Variants in WWOX observed in about 807,000 individuals in gnomAD.
The protein encoded by WWOX is WW domain containing oxidoreductase.
A neutral mutation model predicts 46.2 loss-of-function variants in WWOX; 69 were observed. The ratio of observed to expected loss-of-function variants is 1.49; its 90% CI spans 1.23 to 1.82. The LOEUF is 1.82. Among genes scored for constraint, WWOX ranks in the 40% most tolerant of loss-of-function variants. The probability of loss-of-function intolerance (pLI) is 0.00; values close to 1 mark genes in which losing one functional copy is unlikely to be tolerated. For synonymous variants in WWOX, 359 were observed against 202.6 expected (o/e 1.77, Z -6.56); for missense variants, 919 against 542.6 (o/e 1.69, Z -6.89).
chr16:78,944,076 C>A (rs2045903429), intron 8 of WWOX, among the ~76,000 whole-genome samples: 1 of 152,104 alleles, frequency 6.6e-6, no homozygotes, highest in South Asian at 2.1e-4. Context: ...TCTGAGAATT[C>A]CTCCTGGGTT....
At chr16:79,075,635 C>A (rs2048641673) in intron 8 of WWOX, among the ~76,000 whole-genome samples, 2 of 152,092 alleles carry the variant, frequency 1.3e-5, no homozygotes, top group African/African-American at 4.8e-5. Flanking sequence ...TCACTGCACC[C>A]TCCGCCTTCT....
At chr16:79,166,356 T>C (rs9928582) in intron 8 of WWOX, among the ~76,000 whole-genome samples, 2,399 of 152,242 alleles carry the variant, frequency 0.016, 69 homozygotes, top group African/African-American at 0.055. Context: ...ACCACAAAGA[T>C]TGTGTTTTAA....
intron 8 of WWOX, among the ~76,000 whole-genome samples, chr16:79,201,103 G>A (rs553878358): frequency 6.6e-6 from 1 of 152,304 alleles, no homozygotes; most frequent in South Asian, 2.1e-4. Flanking sequence ...CTGAGGCTCA[G>A]TGGCTTGTCA....
intron 5 of WWOX, among the ~76,000 whole-genome samples, chr16:78,192,424 G>GGAGGTTGCAGTGAGCC (rs1380726049): frequency 6.7e-6 from 1 of 148,914 alleles, no homozygotes; most frequent in African/African-American, 2.5e-5. Flanking sequence ...CCCAGTAGGC[G>GGAGGTTGCAGTGAGCC]GAGGTTGCAG....
intron 8 of WWOX, among the ~76,000 whole-genome samples, chr16:78,513,726 G>T (rs2151489637): frequency 6.6e-6 from 1 of 152,290 alleles, no homozygotes; most frequent in Admixed American, 6.5e-5. Flanking sequence ...CAGAGCCTTT[G>T]TATGTAAATG....
intron 8 of WWOX, among the ~76,000 whole-genome samples, chr16:78,620,422 C>T (rs1467097754): frequency 2.0e-5 from 3 of 152,106 alleles, no homozygotes; most frequent in Admixed American, 6.5e-5. Flanking sequence ...TGGAAAAAAC[C>T]ATGGTGCTTG....
At chr16:78,669,176 C>CA (rs915455524) in intron 8 of WWOX, among the ~76,000 whole-genome samples, 1 of 152,136 alleles carries the variant, frequency 6.6e-6, no homozygotes, top group Non-Finnish European at 1.5e-5. Context: ...AACCGGAAGA[C>CA]AAAAAACTTC....
At chr16:78,675,952 C>A (rs115345964) in intron 8 of WWOX, among the ~76,000 whole-genome samples, 1 of 151,836 alleles carries the variant, frequency 6.6e-6, no homozygotes, top group Non-Finnish European at 1.5e-5. Context: ...CTTCTCTGTC[C>A]CACCACAAAC....
chr16:78,703,625 G>GT (rs145932400), intron 8 of WWOX, among the ~76,000 whole-genome samples: 2,522 of 150,184 alleles, frequency 0.017, 49 homozygotes, highest in African/African-American at 0.05. Context: ...TTTTGTTTTT[G>GT]TTTTTTTTTG....
intron 8 of WWOX, among the ~76,000 whole-genome samples, chr16:78,931,236 G>C (rs903810820): frequency 6.6e-6 from 1 of 152,194 alleles, no homozygotes; most frequent in Non-Finnish European, 1.5e-5. Flanking sequence ...TGGAGATGCT[G>C]TGTGGGGAGG....
At chr16:78,290,382 A>C (rs949403263) in intron 5 of WWOX, among the ~76,000 whole-genome samples, 2 of 144,558 alleles carry the variant, frequency 1.4e-5, no homozygotes, top group African/African-American at 5.1e-5. Context: ...TTCCTGGTGA[A>C]TGATGTATGA....
In WWOX at chr16:78,888,545, A is replaced by G. The variant is rs570160826; in HGVS notation, c.1057-323063A>G. Among the ~76,000 whole-genome samples the G allele has an allele frequency of 5.3e-5, 8 of 152,272 alleles. No homozygotes were observed. The South Asian group carries it at 1.5e-3, about 28-fold the overall frequency. On this transcript the variant is annotated intron_variant, in intron 8 of 8. Coordinates refer to ENST00000566780, the MANE Select transcript of WWOX (RefSeq NM_016373.4). ...GATCCCAGCTTCCCTGTCTTCCAGA[A>G]CTCAAAGACGGCTTTTGTTTGTTAG... is the stretch of plus-strand genomic sequence containing the variant.
At chr16:78,422,709 A>G (rs2082966961) in intron 6 of WWOX, among the ~76,000 whole-genome samples, 1 of 122,456 alleles carries the variant, frequency 8.2e-6, no homozygotes, top group South Asian at 2.8e-4. Flanking sequence ...ACATATATAT[A>G]TACACACACA....
intron 8 of WWOX, among the ~76,000 whole-genome samples, chr16:78,729,008 G>C (rs1218303002): frequency 6.6e-6 from 1 of 151,970 alleles, no homozygotes; most frequent in African/African-American, 2.4e-5. Flanking sequence ...TGGTTTGTAG[G>C]GTCATCCCCC....
At chr16:79,189,465 G>T (rs1002204016) in intron 8 of WWOX, among the ~76,000 whole-genome samples, 16 of 147,148 alleles carry the variant, frequency 1.1e-4, no homozygotes, top group African/African-American at 4.0e-4. Context: ...GTGTGTGTGT[G>T]TGTGTGTGTG....
intron 5 of WWOX, among the ~76,000 whole-genome samples, chr16:78,339,861 C>A (rs1441059803): frequency 2.6e-5 from 3 of 116,518 alleles, no homozygotes; most frequent in African/African-American, 8.7e-5. Context: ...CAACCCCTTG[C>A]TGCTATCCAA....
chr16:78,425,831 A>T (rs2083062839), intron 7 of WWOX, among the ~76,000 whole-genome samples: 1 of 152,078 alleles, frequency 6.6e-6, no homozygotes, highest in Non-Finnish European at 1.5e-5. Flanking sequence ...ACTCTTAGCA[A>T]AGTAGCTAGA....
At chr16:79,122,652 T>C (rs1384204383) in intron 8 of WWOX, among the ~76,000 whole-genome samples, 1 of 152,040 alleles carries the variant, frequency 6.6e-6, no homozygotes, top group Non-Finnish European at 1.5e-5. Context: ...GTTTTCACGC[T>C]AATTCCTTAA....
intron 1 of WWOX, among the ~76,000 whole-genome samples, chr16:78,100,856 T>TA (rs1431685632): frequency 6.6e-6 from 1 of 152,174 alleles, no homozygotes; most frequent in Non-Finnish European, 1.5e-5. Context: ...ATGTCCTAAA[T>TA]ACACGTTTTG....
Sources: gnomAD v4.1 joint callset for allele counts (sites outside exome capture counted in the v4.1 genomes callset) on GRCh38, gnomAD v4.1.1 for gene constraint, MANE v1.5 for transcripts, NCBI Gene and HGNC (gene_info 2026-07-23, HGNC 2026-07-21) for gene names.